Variants in SVOP observed in about 807,000 individuals in gnomAD.
SVOP encodes the protein synaptic vesicle 2-related protein.
In SVOP, 17 loss-of-function variants were observed where a neutral mutation model predicts 69.1. The observed-to-expected ratio is 0.25, with a 90% confidence interval of 0.17 to 0.37. The LOEUF is 0.37. Among genes scored for constraint, SVOP ranks in the 10% least tolerant of loss-of-function variants. The probability of loss-of-function intolerance (pLI) is 1.00; values close to 1 mark genes in which losing one functional copy is unlikely to be tolerated. For synonymous variants in SVOP, 238 were observed against 238.6 expected, an observed-to-expected ratio of 1.00 and a Z score of 0.02; for missense variants, 435 against 597.5, an observed-to-expected ratio of 0.73 and a Z score of 2.84.
intron 4 of SVOP, among the ~76,000 whole-genome samples, chr12:108,973,776 G>A (rs979811695): frequency 2.0e-5 from 3 of 152,110 alleles, no homozygotes; most frequent in Non-Finnish European, 4.4e-5. Flanking sequence ...CGAGTTAGGA[G>A]TCTTCTTCTC....
intron 6 of SVOP, among the ~76,000 whole-genome samples, chr12:108,958,081 A>G (rs1328825828): frequency 6.6e-6 from 1 of 152,206 alleles, no homozygotes; most frequent in Non-Finnish European, 1.5e-5. Flanking sequence ...TAATTAATTA[A>G]CTTATTTATT....
intron 10 of SVOP, among the ~76,000 whole-genome samples, chr12:108,935,374 TGTA>T (rs1229038989): frequency 6.6e-6 from 1 of 152,176 alleles, no homozygotes; most frequent in Non-Finnish European, 1.5e-5. Flanking sequence ...TGCAAGCAAA[TGTA>T]GTGGCTTTCA....
At chr12:108,930,851 G>T (rs2039813016) in intron 11 of SVOP, among the ~76,000 whole-genome samples, 1 of 152,172 alleles carries the variant, frequency 6.6e-6, no homozygotes, top group Non-Finnish European at 1.5e-5. Flanking sequence ...GAAACTTTAG[G>T]CTGAACTTAA....
At chr12:108,947,335 ATCTG>A (rs1364131426) in intron 6 of SVOP, among the ~76,000 whole-genome samples, 3 of 152,082 alleles carry the variant, frequency 2.0e-5, no homozygotes, top group South Asian at 2.1e-4. Context: ...CTAAGAGATT[ATCTG>A]TCTGTCTATC....
intron 4 of SVOP, among the ~76,000 whole-genome samples, chr12:108,974,557 T>G (rs1303911261): frequency 6.6e-6 from 1 of 151,790 alleles, no homozygotes; most frequent in Non-Finnish European, 1.5e-5. Context: ...GTGGTGAAAC[T>G]CTGTCTCTAC....
intron 6 of SVOP, among the ~76,000 whole-genome samples, chr12:108,954,600 G>A (rs953418944): frequency 6.6e-6 from 1 of 152,168 alleles, no homozygotes; most frequent in African/African-American, 2.4e-5. Flanking sequence ...CCCCTTTGCT[G>A]TTTTGGGGTG....
intron 1 of SVOP, among the ~76,000 whole-genome samples, chr12:108,987,108 C>T (rs1330967303): frequency 6.6e-6 from 1 of 152,134 alleles, no homozygotes; most frequent in African/African-American, 2.4e-5. Flanking sequence ...CTCCATTTTC[C>T]CCTATTCAGC....
At chr12:108,948,908 T>C (rs1025069825) in intron 6 of SVOP, among the ~76,000 whole-genome samples, 2 of 152,230 alleles carry the variant, frequency 1.3e-5, no homozygotes, top group African/African-American at 4.8e-5. Context: ...TTCCGAATGG[T>C]ATGCTTATAT....
At position 108,937,330 on chromosome 12, in the gene SVOP, C is replaced by T. The variant is rs2039862546; in HGVS notation, c.905G>A (p.Arg302Gln). The change falls in exon 10 of 16, where the codon CGA becomes CAA. Residue 302 changes from arginine to glutamine, a missense_variant. Transcript: ENST00000610966. ...GKLIISRQED[R>Q]GKMRDLFTPH... ...TGTGAAAAGGTCCCTCATTTTGCCTCGGTCTTCCTGTTTCAAAACAAGGAC... is the reference window on the plus strand; with the variant it reads ...TGTGAAAAGGTCCCTCATTTTGCCTTGGTCTTCCTGTTTCAAAACAAGGAC... 1.2e-5 allele frequency: 20 copies of T among 1,613,904 alleles called. No individual in the cohort carries two copies. Among genetic ancestry groups the T allele is most frequent in the East Asian group, 2.2e-5 (1 of 44,878 alleles).
chr12:108,933,545 G>A (rs2039835858), intron 11 of SVOP, among the ~76,000 whole-genome samples: 1 of 151,622 alleles, frequency 6.6e-6, no homozygotes. Flanking sequence ...GCCAGACATG[G>A]TGGTGCCACC....
intron 11 of SVOP, among the ~76,000 whole-genome samples, 161 bp downstream of exon 11, chr12:108,934,034 C>G (rs575420843): frequency 3.3e-5 from 5 of 152,172 alleles, no homozygotes; most frequent in Admixed American, 3.3e-4. Context: ...AGCTCCATCG[C>G]GACAAGACTG....
At position 108,907,910 on chromosome 12, in the gene SVOP, A is replaced by T. The variant is rs1265088617; in HGVS notation, c.*4625T>A. 3 of 152,296 alleles carry T rather than the reference A, an allele frequency of 2.0e-5. No individual in the cohort carries two copies. Among genetic ancestry groups the T allele is most frequent in the Non-Finnish European group, 4.4e-5 (3 of 68,076 alleles). 9.4% of individuals were successfully genotyped at this position (152,296 alleles called of 1,614,324 possible). On this transcript the variant is annotated 3_prime_UTR_variant, in exon 16 of 16. Coordinates refer to ENST00000610966, the MANE Select transcript of SVOP (RefSeq NM_018711.5). ...TGAGAGTTTATGCACATGTCACTGC[A>T]GATTCCAGGCATACCAGCAATTGTC...
intron 10 of SVOP, 138 bp downstream of exon 10, chr12:108,937,126 G>A (rs1207905880): frequency 1.3e-6 from 1 of 774,016 alleles, no homozygotes; most frequent in Non-Finnish European, 2.3e-6. Flanking sequence ...CGGAAATCAG[G>A]AGGATGATGT....
chr12:108,998,069 T>A (rs2040246921), intron 1 of SVOP, among the ~76,000 whole-genome samples: 1 of 151,306 alleles, frequency 6.6e-6, no homozygotes, highest in Non-Finnish European at 1.5e-5. Flanking sequence ...TTGAAAAAAA[T>A]TTAGAAGAAC....
intron 1 of SVOP, among the ~76,000 whole-genome samples, chr12:108,987,594 T>C (rs1233889530): frequency 6.6e-6 from 1 of 152,232 alleles, no homozygotes; most frequent in Admixed American, 6.5e-5. Flanking sequence ...CTCCACATCC[T>C]TGCCAATACT....
chr12:108,970,753 A>G (rs897335411), intron 5 of SVOP, among the ~76,000 whole-genome samples: 3 of 152,116 alleles, frequency 2.0e-5, no homozygotes, highest in African/African-American at 7.2e-5. Flanking sequence ...AGTGGCTCAC[A>G]TCTGTAATCC....
intron 1 of SVOP, among the ~76,000 whole-genome samples, chr12:108,989,956 C>T (rs2040190287): frequency 1.3e-5 from 2 of 152,220 alleles, no homozygotes; most frequent in Non-Finnish European, 2.9e-5. Flanking sequence ...TAACAATCAA[C>T]TTATGAATTA....
chr12:108,922,778 A>G lies in SVOP; in HGVS notation c.1068T>C (p.Ala356=), dbSNP rs1481511987. The G allele has an allele frequency of 5.6e-6, 9 of 1,609,048 alleles. No homozygotes were observed. The highest frequency in any genetic ancestry group is 5.6e-5 in the South Asian group (5 of 89,470). The stretch of plus-strand genomic sequence containing the variant: ...AGGCCAGGCTGCATTTTGCCTCTAC[A>G]GCCTTCTTCCGACTGGAGACTGGGG... ...DVCGISSRKK[A]VEAKCSLACE... is the part of the protein sequence containing the mutation. Residue 356 remains alanine (A), a synonymous_variant, in exon 12 of 16, where the codon GCT becomes GCC. Transcript: ENST00000610966.
chr12:108,995,557 C>T (rs929199015), intron 1 of SVOP, among the ~76,000 whole-genome samples: 1 of 152,062 alleles, frequency 6.6e-6, no homozygotes, highest in Non-Finnish European at 1.5e-5. Flanking sequence ...TGAAAAAATT[C>T]TGGAGATGGA....
Sources: gnomAD v4.1 joint callset for allele counts (sites outside exome capture counted in the v4.1 genomes callset) on GRCh38, gnomAD v4.1.1 for gene constraint, MANE v1.5 for transcripts, NCBI Gene and HGNC (gene_info 2026-07-23, HGNC 2026-07-21) for gene names.